Variants in CLSTN2 observed in about 807,000 individuals in gnomAD.
The protein encoded by CLSTN2 is calsyntenin 2, also known as calsyntenin-2.
In CLSTN2, 48 loss-of-function variants were observed where a neutral mutation model predicts 101.2. The observed-to-expected ratio is 0.47, with a 90% CI of 0.38 to 0.60. The LOEUF is 0.60. CLSTN2 is among the 20% of genes least tolerant of loss of function. CLSTN2 has a pLI of 0.00. For missense variants in CLSTN2, 1,160 were observed against 1,238.2 expected (o/e 0.94, Z 0.95); for synonymous variants, 481 against 463.6 (o/e 1.04, Z -0.48).
chr3:140,252,749 A>T (rs2086574896), intron 2 of CLSTN2, among the ~76,000 whole-genome samples: 1 of 152,210 alleles, frequency 6.6e-6, no homozygotes, highest in Admixed American at 6.5e-5. Context: ...CCTAAGGTAC[A>T]AGCAAGTTAG....
chr3:140,016,665 G>A (rs1027705814), intron 1 of CLSTN2, among the ~76,000 whole-genome samples: 3 of 151,652 alleles, frequency 2.0e-5, no homozygotes, highest in African/African-American at 7.3e-5. Flanking sequence ...TGGGTGTGGT[G>A]GCATGTGCCT....
intron 8 of CLSTN2, among the ~76,000 whole-genome samples, chr3:140,517,409 C>G (rs936252339): frequency 2.6e-5 from 4 of 152,040 alleles, no homozygotes; most frequent in Non-Finnish European, 5.9e-5. Flanking sequence ...GTTATGTTAC[C>G]AGAATTGTTT....
At chr3:140,500,641 G>C (rs1934558152) in intron 8 of CLSTN2, among the ~76,000 whole-genome samples, 1 of 152,082 alleles carries the variant, frequency 6.6e-6, no homozygotes, top group Non-Finnish European at 1.5e-5. Flanking sequence ...GTACCTCCTA[G>C]AGTTAGGAAA....
At chr3:140,381,822 C>G (rs72975063) in intron 2 of CLSTN2, among the ~76,000 whole-genome samples, 2,576 of 152,342 alleles carry the variant, frequency 0.017, 73 homozygotes, top group African/African-American at 0.057. Context: ...TCCATTATTA[C>G]ACAAAGTCAC....
At chr3:140,286,653 C>G (rs962419008) in intron 2 of CLSTN2, among the ~76,000 whole-genome samples, 1 of 152,200 alleles carries the variant, frequency 6.6e-6, no homozygotes, top group Non-Finnish European at 1.5e-5. Context: ...TCTCATCTCT[C>G]TCATTCCTGG....
intron 2 of CLSTN2, among the ~76,000 whole-genome samples, chr3:140,269,491 A>G (rs1242888453): frequency 3.3e-5 from 5 of 152,226 alleles, no homozygotes; most frequent in Non-Finnish European, 5.9e-5. Context: ...TTGTAATCAA[A>G]GAAGATTAGA....
intron 2 of CLSTN2, among the ~76,000 whole-genome samples, chr3:140,237,878 T>C (rs541261029): frequency 6.6e-6 from 1 of 152,296 alleles, no homozygotes; most frequent in South Asian, 2.1e-4. Flanking sequence ...ATTGAATAAT[T>C]TACCCAAGCT....
chr3:140,266,804 G>T (rs532996470), intron 2 of CLSTN2, among the ~76,000 whole-genome samples: 4 of 152,312 alleles, frequency 2.6e-5, no homozygotes, highest in African/African-American at 4.8e-5. Context: ...TGGGTCCATT[G>T]GTTGTTCCAC....
intron 2 of CLSTN2, among the ~76,000 whole-genome samples, chr3:140,387,480 G>A (rs748915085): frequency 1.3e-5 from 2 of 152,188 alleles, no homozygotes; most frequent in Non-Finnish European, 1.5e-5. Context: ...GCGATAAATT[G>A]CAAAAGCCTG....
intron 1 of CLSTN2, among the ~76,000 whole-genome samples, chr3:139,957,389 CT>C (rs1227112354): frequency 2.0e-5 from 3 of 152,182 alleles, no homozygotes; most frequent in African/African-American, 7.2e-5. Context: ...CAACACTAAC[CT>C]TCTCTATGTC....
intron 2 of CLSTN2, among the ~76,000 whole-genome samples, chr3:140,230,484 G>A (rs77292705): frequency 4.5e-4 from 69 of 152,278 alleles, no homozygotes; most frequent in East Asian, 3.1e-3. Context: ...CCCAGTATTA[G>A]GAGGTGGGGC....
chr3:140,389,935 G>A (rs1413455772), intron 2 of CLSTN2, among the ~76,000 whole-genome samples: 3 of 151,826 alleles, frequency 2.0e-5, no homozygotes, highest in African/African-American at 7.3e-5. Flanking sequence ...TTGGTATTAG[G>A]GTAATGCTAG....
At chr3:140,037,735 C>G (rs960602970) in intron 1 of CLSTN2, among the ~76,000 whole-genome samples, 2 of 151,968 alleles carry the variant, frequency 1.3e-5, no homozygotes, top group African/African-American at 4.8e-5. Context: ...GTGTGTTGTT[C>G]CCCCCATGTG....
At chr3:140,192,894 C>T (rs537553994) in intron 2 of CLSTN2, among the ~76,000 whole-genome samples, 2 of 151,892 alleles carry the variant, frequency 1.3e-5, no homozygotes, top group South Asian at 4.2e-4. Flanking sequence ...GTCAGTTGGA[C>T]ACATTTTAGA....
intron 1 of CLSTN2, among the ~76,000 whole-genome samples, chr3:139,946,993 A>G (rs1935226059): frequency 6.6e-6 from 1 of 152,172 alleles, no homozygotes; most frequent in African/African-American, 2.4e-5. Flanking sequence ...CTGAATGTTC[A>G]TTTTTCCAAC....
chr3:140,181,209 C>T (rs552539120), intron 2 of CLSTN2, among the ~76,000 whole-genome samples: 3 of 152,254 alleles, frequency 2.0e-5, no homozygotes, highest in African/African-American at 7.2e-5. Context: ...AATCATAGTA[C>T]CCACTCCTGG....
chr3:140,472,767 GGTT>G (rs1441493467), intron 8 of CLSTN2, among the ~76,000 whole-genome samples: 1 of 152,144 alleles, frequency 6.6e-6, no homozygotes, highest in Non-Finnish European at 1.5e-5. Context: ...CAAATTGCAG[GGTT>G]GTTCTGGGTG....
intron 2 of CLSTN2, among the ~76,000 whole-genome samples, chr3:140,314,592 A>G (rs2087210625): frequency 6.6e-6 from 1 of 152,026 alleles, no homozygotes; most frequent in Non-Finnish European, 1.5e-5. Context: ...TTTTTCTTTA[A>G]ATAAGCCACT....
At chr3:140,477,824 G>A (rs908113612) in intron 8 of CLSTN2, among the ~76,000 whole-genome samples, 1 of 152,166 alleles carries the variant, frequency 6.6e-6, no homozygotes, top group Non-Finnish European at 1.5e-5. Flanking sequence ...TTGCTACAGT[G>A]CAATCCCCAA....
Sources: gnomAD v4.1 joint callset for allele counts (sites outside exome capture counted in the v4.1 genomes callset) on GRCh38, gnomAD v4.1.1 for gene constraint, MANE v1.5 for transcripts, NCBI Gene and HGNC (gene_info 2026-07-23, HGNC 2026-07-21) for gene names.